The following DYRK4 variants were observed in gnomAD, a reference collection of about 807,000 sequenced individuals.
The protein encoded by DYRK4 is dual specificity tyrosine phosphorylation regulated kinase 4, also known as dual specificity tyrosine-phosphorylation-regulated kinase 4.
In DYRK4, 64 loss-of-function variants were observed where a neutral mutation model predicts 68.3. The ratio of observed to expected loss-of-function variants is 0.94; its 90% CI spans 0.77 to 1.15. The LOEUF (loss-of-function observed/expected upper bound fraction) is 1.15. Among genes scored for constraint, DYRK4 ranks in the 50% most tolerant of loss-of-function variants. The probability of loss-of-function intolerance (pLI) is 0.00; values close to 1 mark genes in which losing one functional copy is unlikely to be tolerated. For synonymous variants in DYRK4, 274 were observed against 289.9 expected (o/e 0.95, Z 0.56); for missense variants, 740 against 764.7 (o/e 0.97, Z 0.38).
chr12:4,611,890 T>G (rs555334424), intron 13 of DYRK4, among the ~76,000 whole-genome samples: 1 of 152,340 alleles, frequency 6.6e-6, no homozygotes, highest in South Asian at 2.1e-4. Flanking sequence ...GATGGTAATG[T>G]GTTGATGAAT....
At chr12:4,572,467 T>C (rs1347642229) in intron 2 of DYRK4, among the ~76,000 whole-genome samples, 4 of 152,150 alleles carry the variant, frequency 2.6e-5, no homozygotes, top group African/African-American at 9.7e-5. Flanking sequence ...GTTGTTGTTG[T>C]TGTATTTTTA....
chr12:4,591,113 G>C lies in DYRK4; in HGVS notation c.325-47G>C. On this transcript the variant is annotated intron_variant, in intron 4 of 14. Transcript: ENST00000543431. The surrounding 1 kb of genome is among the most constrained non-coding windows in gnomAD (Gnocchi z 4.1). ...TTAAATAAATGGTTTATGGCCCCCAGGAGAGTCCTAAGTAGTTATTTATTG... is the reference window on the plus strand; with the variant it reads ...TTAAATAAATGGTTTATGGCCCCCACGAGAGTCCTAAGTAGTTATTTATTG... 1 of 1,600,860 alleles carries C rather than the reference G, an allele frequency of 6.2e-7. No individual in the cohort carries two copies. Among genetic ancestry groups the C allele is most frequent in the Non-Finnish European group, 8.5e-7 (1 of 1,173,306 alleles).
At chr12:4,588,635 C>G (rs146071594) in intron 2 of DYRK4, among the ~76,000 whole-genome samples, 2 of 152,190 alleles carry the variant, frequency 1.3e-5, no homozygotes, top group East Asian at 3.8e-4. Context: ...TACTCCTTAC[C>G]GTAAGCAGGG....
intron 1 of DYRK4, among the ~76,000 whole-genome samples, 179 bp from the exon 2 acceptor site, chr12:4,567,768 TCTGACCTC>T (rs1222366142): frequency 5.3e-5 from 8 of 152,164 alleles, no homozygotes; most frequent in African/African-American, 1.9e-4. Context: ...CTGGCTTCTG[TCTGACCTC>T]CTGACCTCAT....
intron 10 of DYRK4, chr12:4,602,456 C>G: frequency 8.0e-7 from 1 of 1,255,088 alleles, no homozygotes; most frequent in Non-Finnish European, 1.2e-6. Flanking sequence ...ATTAGATTTC[C>G]CATTCCCTTT....
intron 9 of DYRK4, chr12:4,599,477 C>G: frequency 1.8e-6 from 1 of 561,382 alleles, no homozygotes; most frequent in South Asian, 2.3e-5. Flanking sequence ...CAAATATATG[C>G]AAAAGAAACT....
Position 4,613,107 on chromosome 12 carries a change from T to C in DYRK4, c.1666+389T>C, listed in dbSNP as rs149175396. ...ACTGCGTCCACCCCTTTATGCCCTA[T>C]AATTACCTTTAGAATTTCTGTCAGT... On this transcript the variant is annotated intron_variant, in intron 14 of 14. Transcript: ENST00000543431. This position sits in a 1 kb window ranked among gnomAD's most constrained non-coding sequence, Gnocchi z 4.0. 2.8e-3 allele frequency among the ~76,000 whole-genome samples: 434 copies of C among 152,366 alleles called. No individual in the cohort carries two copies. The highest frequency in any genetic ancestry group is 4.3e-3 in the Non-Finnish European group (292 of 68,026).
At chr12:4,610,707 G>C (rs900471663) in intron 13 of DYRK4, among the ~76,000 whole-genome samples, 1 of 152,142 alleles carries the variant, frequency 6.6e-6, no homozygotes, top group African/African-American at 2.4e-5. Context: ...AGTGTAAACT[G>C]GTTTCAGGGC....
At chr12:4,583,465 G>T (rs1303322139) in intron 2 of DYRK4, among the ~76,000 whole-genome samples, 1 of 151,988 alleles carries the variant, frequency 6.6e-6, no homozygotes, top group Non-Finnish European at 1.5e-5. Context: ...ATTCCCTCTT[G>T]TATTAATATT....
chr12:4,564,693 C>G (rs183123340), intron 1 of DYRK4, among the ~76,000 whole-genome samples: 54 of 152,226 alleles, frequency 3.5e-4, no homozygotes, highest in Non-Finnish European at 4.4e-4. Flanking sequence ...CATGCTTAGC[C>G]CAGTAGCTGG....
chr12:4,573,365 C>T (rs1944752173), intron 2 of DYRK4: 1 of 1,289,400 alleles, frequency 7.8e-7, no homozygotes, highest in Non-Finnish European at 1.0e-6. Flanking sequence ...TGGTAAGTAC[C>T]AGTTCCTTTG....
chr12:4,589,469 C>T (rs1277521716), intron 3 of DYRK4, among the ~76,000 whole-genome samples: 1 of 152,214 alleles, frequency 6.6e-6, no homozygotes, highest in African/African-American at 2.4e-5. Context: ...CCCCACCTCT[C>T]CCCTGACCAC....
chr12:4,601,904 G>GTGTC (rs1399949727), intron 10 of DYRK4: 1 of 257,580 alleles, frequency 3.9e-6, no homozygotes, highest in Non-Finnish European at 7.5e-6. Flanking sequence ...GTGTGTGTGT[G>GTGTC]TGTGTGTATC....
chr12:4,604,768 G>A, intron 10 of DYRK4, 146 bp from the exon 11 acceptor site: 1 of 893,050 alleles, frequency 1.1e-6, no homozygotes, highest in South Asian at 2.4e-5. Context: ...CTGTGATGGT[G>A]TAATGGGAGT....
chr12:4,562,368 G>A (rs1042979399), intron 1 of DYRK4, 85 bp downstream of exon 1: 9 of 1,459,886 alleles, frequency 6.2e-6, no homozygotes, highest in African/African-American at 5.7e-5. Context: ...ACGGGGTCGT[G>A]GGGGGAGAAT....
intron 11 of DYRK4, among the ~76,000 whole-genome samples, chr12:4,607,065 G>C (rs1221832862): frequency 6.6e-6 from 1 of 152,154 alleles, no homozygotes; most frequent in Non-Finnish European, 1.5e-5. Context: ...TGCTATCAAG[G>C]GTGGTGGCCC....
At position 4,605,063 on chromosome 12, in the gene DYRK4, G is replaced by C. The variant is rs779355419; in HGVS notation, c.1276G>C (p.Glu426Gln). The C allele has an allele frequency of 6.2e-7, 1 of 1,613,656 alleles. No individual in the cohort carries two copies. The highest frequency in any genetic ancestry group is 8.5e-7 in the Non-Finnish European group (1 of 1,179,824). Residue 426 changes from glutamate to glutamine, a missense_variant, in exon 11 of 15, where the codon GAG becomes CAG. Coordinates refer to ENST00000543431, the MANE Select transcript of DYRK4 (RefSeq NM_001394779.1). Reference protein sequence around the residue: ...YPLFPGENEVEQLACIMEVLG... With the variant: ...YPLFPGENEVQQLACIMEVLG... ...CCTGTTCCCCGGGGAGAATGAGGTG[G>C]AGCAGCTGGCCTGCATCATGGAGGT... is the stretch of plus-strand genomic sequence containing the variant.
intron 2 of DYRK4, among the ~76,000 whole-genome samples, chr12:4,587,579 T>TGCAGACTCTGA (rs1261571906): frequency 6.6e-6 from 1 of 152,246 alleles, no homozygotes; most frequent in African/African-American, 2.4e-5. Flanking sequence ...CTCTGAGATT[T>TGCAGACTCTGA]GCAATTGCAA....
chr12:4,590,836 A>C, intron 4 of DYRK4: 1 of 426,170 alleles, frequency 2.3e-6, no homozygotes, highest in Non-Finnish European at 4.1e-6. Flanking sequence ...CTCCTGGGCA[A>C]GTCACTTTGT....
Sources: gnomAD v4.1 joint callset for allele counts (sites outside exome capture counted in the v4.1 genomes callset) on GRCh38, gnomAD v4.1.1 for gene constraint, Gnocchi (gnomAD v3.1) non-coding constraint, MANE v1.5 for transcripts, NCBI Gene and HGNC (gene_info 2026-07-23, HGNC 2026-07-21) for gene names.